Variants in ZNF709 observed in about 807,000 individuals in gnomAD.
The protein encoded by ZNF709 is zinc finger protein 709.
In ZNF709, 15 loss-of-function variants were observed where a neutral mutation model predicts 10.6. The observed-to-expected ratio is 1.41, with a 90% CI of 0.95 to 2.18. The LOEUF is 2.18. Among genes scored for constraint, ZNF709 ranks in the 30% most tolerant of loss-of-function variants. ZNF709 has a pLI of 0.00. For missense variants in ZNF709, 589 were observed against 774.0 expected, an observed-to-expected ratio of 0.76 and a Z score of 2.84; for synonymous variants, 194 against 238.8, an observed-to-expected ratio of 0.81 and a Z score of 1.73.
rs1264837768 is a variant in ZNF709, at chr19:12,462,673, C to T, written c.*1323G>A. ...CTCTTTTGGTCAGAAAGATGAAATA[C>T]ATATAATGATATCTAGTACCTGCCA... On this transcript the variant is annotated 3_prime_UTR_variant, in exon 4 of 4. Transcript: ENST00000397732. The T allele has an allele frequency of 1.3e-5, 2 of 152,060 alleles. No homozygotes were observed. The highest frequency in any genetic ancestry group is 1.3e-4 in the Admixed American group (2 of 15,264). 9.4% of individuals were successfully genotyped at this position (152,060 alleles called of 1,614,324 possible). A position where few individuals can be genotyped will look rare whatever the true frequency, so the allele number is the denominator to read the frequency against.
At position 12,482,138 on chromosome 19, in the gene ZNF709, TACACACACACACACACAAACACACAC is replaced by T. The variant is rs1200224535; in HGVS notation, c.3+2491_3+2516del. On this transcript the variant is annotated intron_variant, in intron 1 of 3. Coordinates refer to ENST00000397732, the MANE Select transcript of ZNF709 (RefSeq NM_152601.4). ...ACAAAGTGAGAACCCACCTCTAAAA[TACACACACACACACACAAACACACAC>T]ACACACACACACACACACACGCTCC... 9.3e-5 allele frequency among the ~76,000 whole-genome samples: 4 copies of T among 43,026 alleles called. No homozygotes were observed. In the East Asian group the frequency reaches 1.4e-3, roughly 15 times the overall value. The allele number at this position is 43,026 out of a possible 152,430, so 28.2% of individuals were successfully genotyped here. A position where few individuals can be genotyped will look rare whatever the true frequency, so the allele number is the denominator to read the frequency against.
chr19:12,468,135 C>T (rs902702131), intron 1 of ZNF709, among the ~76,000 whole-genome samples: 6 of 151,606 alleles, frequency 4.0e-5, no homozygotes, highest in East Asian at 2.0e-4. Context: ...TCTGCCTGGC[C>T]GCCCCTTCTG....
rs1599631869 is a variant in ZNF709, at chr19:12,466,478, G to C, written c.172C>G (p.Gln58Glu). The change falls in exon 3 of 4, where the codon CAG becomes GAG. Residue 58 changes from glutamine (Q) to glutamate (E), a missense_variant. Gln to Glu is a conservative substitution (Grantham distance 29). This residue lies in a region of ZNF709 where 418 missense variants were observed against 496.3 expected (regional missense o/e 0.84). Coordinates refer to ENST00000397732, the MANE Select transcript of ZNF709 (RefSeq NM_152601.4). ...ACAACTCACCTTAGCTTTCTCCCCT[G>C]ATTTTTGTGATCTTCAATGTTCTTC... Reference protein sequence around the residue: ...EEKNIEDHKNQGRKLRSHMVE... With the variant: ...EEKNIEDHKNEGRKLRSHMVE... 6.2e-7 allele frequency: 1 copy of C among 1,613,908 alleles called. No individual in the cohort carries two copies. Among genetic ancestry groups the C allele is most frequent in the Non-Finnish European group, 8.5e-7 (1 of 1,179,940 alleles).
At chr19:12,467,753 G>A (rs887744960) in intron 1 of ZNF709, among the ~76,000 whole-genome samples, 14 of 148,090 alleles carry the variant, frequency 9.5e-5, no homozygotes, top group East Asian at 8.0e-4. Context: ...CTGCCCCGCC[G>A]CCCCGTCTGG....
At position 12,484,518 on chromosome 19, in the gene ZNF709, G is replaced by A. The variant is rs1036718542; in HGVS notation, c.3+137C>T. On this transcript the variant is annotated intron_variant, in intron 1 of 3. Transcript: ENST00000397732. ...CCTGCGGCCAAAGAGACCGAGGGCC[G>A]AGCTGCGCCAGGAGGACTCGGGTCC... 3.3e-6 allele frequency: 4 copies of A among 1,208,200 alleles called. No homozygotes were observed. The Admixed American group carries it at 9.0e-5, about 27-fold the overall frequency. 74.8% of individuals were successfully genotyped at this position (1,208,200 alleles called of 1,614,324 possible). A position where few individuals can be genotyped will look rare whatever the true frequency, so the allele number is the denominator to read the frequency against.
At chr19:12,469,353 TATA>T (rs1271620368) in intron 1 of ZNF709, among the ~76,000 whole-genome samples, 1 of 152,220 alleles carries the variant, frequency 6.6e-6, no homozygotes, top group African/African-American at 2.4e-5. Context: ...AACTTGTTTG[TATA>T]ATATTTATCA....
chr19:12,467,417 G>C (rs548302247), intron 1 of ZNF709, among the ~76,000 whole-genome samples: 123 of 152,332 alleles, frequency 8.1e-4, no homozygotes, highest in African/African-American at 2.9e-3. Flanking sequence ...TGCCGTGATT[G>C]CAGACGGAGT....
chr19:12,468,690 T>TAAAAAAA (rs1039961850), intron 1 of ZNF709, among the ~76,000 whole-genome samples: 1 of 82,348 alleles, frequency 1.2e-5, no homozygotes, highest in Non-Finnish European at 2.7e-5. Context: ...GAATGATCAA[T>TAAAAAAA]AAAAAAAAAA....
intron 1 of ZNF709, among the ~76,000 whole-genome samples, chr19:12,483,148 T>C (rs749804900): frequency 6.6e-6 from 1 of 152,064 alleles, no homozygotes; most frequent in Non-Finnish European, 1.5e-5. Flanking sequence ...ATTATTATTA[T>C]TTTCTGTTTT....
chr19:12,474,410 A>G (rs931669332), intron 1 of ZNF709, among the ~76,000 whole-genome samples: 1 of 152,202 alleles, frequency 6.6e-6, no homozygotes, highest in Admixed American at 6.5e-5. Flanking sequence ...TTATGTAAAC[A>G]TCACACATTC....
intron 1 of ZNF709, 39 bp from the exon 2 acceptor site, chr19:12,466,889 C>A: frequency 6.3e-7 from 1 of 1,596,496 alleles, no homozygotes. Context: ...ATGGGTGAGA[C>A]TGACAGCACT....
intron 1 of ZNF709, among the ~76,000 whole-genome samples, chr19:12,483,547 A>T (rs1195422095): frequency 2.0e-5 from 3 of 150,510 alleles, no homozygotes; most frequent in Admixed American, 6.6e-5. Flanking sequence ...TTATTTTTTT[A>T]TTTTTTTGAG....
intron 1 of ZNF709, among the ~76,000 whole-genome samples, chr19:12,472,292 C>T (rs994604923): frequency 3.9e-5 from 6 of 151,916 alleles, no homozygotes; most frequent in Admixed American, 1.3e-4. Context: ...GAGGCCAAGG[C>T]GGGTGGATCA....
chr19:12,465,844 G>T, intron 3 of ZNF709, 111 bp from the exon 4 acceptor site: 1 of 879,988 alleles, frequency 1.1e-6, no homozygotes, highest in Non-Finnish European at 1.6e-6. Flanking sequence ...TTACACTTTT[G>T]CCATTTTCAG....
chr19:12,484,755 T>C lies in ZNF709; in HGVS notation c.-98A>G. 1 of 1,551,072 alleles carries C rather than the reference T, an allele frequency of 6.4e-7. No individual in the cohort carries two copies. Among genetic ancestry groups the C allele is most frequent in the South Asian group, 1.1e-5 (1 of 89,426 alleles). On this transcript the variant is annotated 5_prime_UTR_variant, in exon 1 of 4. Transcript: ENST00000397732. Reference sequence around the variant, plus strand: ...AGGCCCTTCCTCCACCTGAGGGCCTTCTGGGGTGAGGAGACCCCAGAGCGG... The same window carrying C: ...AGGCCCTTCCTCCACCTGAGGGCCTCCTGGGGTGAGGAGACCCCAGAGCGG...
chr19:12,483,216 A>G (rs1303799518), intron 1 of ZNF709, among the ~76,000 whole-genome samples: 1 of 152,062 alleles, frequency 6.6e-6, no homozygotes, highest in African/African-American at 2.4e-5. Flanking sequence ...TCAAGGCTCA[A>G]AGCAGCCTCA....
intron 1 of ZNF709, among the ~76,000 whole-genome samples, chr19:12,478,513 A>G (rs968679594): frequency 2.0e-5 from 3 of 152,248 alleles, no homozygotes; most frequent in African/African-American, 7.2e-5. Flanking sequence ...AATTCAGTGC[A>G]AGAGAAGACA....
intron 1 of ZNF709, among the ~76,000 whole-genome samples, chr19:12,468,060 C>A (rs1191327139): frequency 6.6e-6 from 1 of 151,078 alleles, no homozygotes; most frequent in African/African-American, 2.4e-5. Context: ...CCGTCCCGTC[C>A]GGGAGGGAGG....
In ZNF709 at chr19:12,464,824, G is replaced by T. The variant is rs772008229; in HGVS notation, c.1098C>A (p.Cys366Ter). ...IMHTGNGPYK[C>*]KECGKAFDCP... The stretch of plus-strand genomic sequence containing the variant: ...AATCAAAGGCTTTCCCACATTCCTT[G>T]CATTTATAAGGTCCATTTCCAGTGT... The change falls in exon 4 of 4, where the codon TGC becomes TGA. Residue 366 changes from cysteine (C) to a stop codon, truncating the protein, a stop_gained. Coordinates refer to ENST00000397732, the MANE Select transcript of ZNF709 (RefSeq NM_152601.4). LOFTEE classifies it low-confidence loss of function (END_TRUNC). The T allele has an allele frequency of 6.2e-7, 1 of 1,612,710 alleles. No homozygotes were observed. Among genetic ancestry groups the T allele is most frequent in the Non-Finnish European group, 8.5e-7 (1 of 1,179,488 alleles).
Sources: allele counts gnomAD v4.1 joint callset (sites outside exome capture counted in the v4.1 genomes callset), GRCh38; gene constraint gnomAD v4.1.1; regional missense constraint gnomAD v4.1.1; transcripts MANE v1.5; gene names NCBI Gene and HGNC (gene_info 2026-07-23, HGNC 2026-07-21).